Variants in STARD13 observed in about 807,000 individuals in gnomAD.
STARD13 encodes the protein StAR related lipid transfer domain containing 13.
STARD13 carries 62 observed loss-of-function variants against 106.4 expected under a neutral mutation model. That is an observed-to-expected ratio of 0.58 (90% CI 0.48 to 0.72). STARD13 has a LOEUF of 0.72. STARD13 is among the 30% of genes least tolerant of loss of function. The pLI is 0.00. For missense variants in STARD13, 1,387 were observed against 1,424.0 expected, an observed-to-expected ratio of 0.97 and a Z score of 0.42; for synonymous variants, 565 against 553.0, an observed-to-expected ratio of 1.02 and a Z score of -0.31.
chr13:33,656,123 G>T, the STARD13 span, among the ~76,000 whole-genome samples: 5 of 152,090 alleles, frequency 3.3e-5, no homozygotes, highest in Non-Finnish European at 7.4e-5. Context: ...GTATTCTAAT[G>T]ATTTTTTAAA....
At chr13:33,239,592 T>C (rs1023533436) in intron 1 of STARD13, among the ~76,000 whole-genome samples, 3 of 152,180 alleles carry the variant, frequency 2.0e-5, no homozygotes, top group Admixed American at 1.3e-4. Flanking sequence ...CCTATGAATA[T>C]GAGGTGATAT....
intron 7 of STARD13, among the ~76,000 whole-genome samples, chr13:33,124,714 G>A (rs1876890040): frequency 2.3e-5 from 2 of 86,820 alleles, no homozygotes; most frequent in Non-Finnish European, 5.9e-5. Context: ...AAACCTCTAA[G>A]ATTAAAAAAA....
the STARD13 span, among the ~76,000 whole-genome samples, chr13:33,582,844 A>C: frequency 6.6e-6 from 1 of 152,218 alleles, no homozygotes; most frequent in Non-Finnish European, 1.5e-5. Context: ...CTTTGTTAAC[A>C]TGCATCTATT....
At chr13:33,317,656 A>G (rs977778317) in intron 1 of STARD13, among the ~76,000 whole-genome samples, 1 of 152,022 alleles carries the variant, frequency 6.6e-6, no homozygotes, top group Non-Finnish European at 1.5e-5. Context: ...CTCACTTTCT[A>G]TTTTGTAAAA....
chr13:33,107,811 C>G (rs140777861), intron 12 of STARD13, among the ~76,000 whole-genome samples: 1 of 152,214 alleles, frequency 6.6e-6, no homozygotes, highest in African/African-American at 2.4e-5. Flanking sequence ...GAGAACATCT[C>G]TGTAACAACC....
chr13:33,522,913 G>A, the STARD13 span, among the ~76,000 whole-genome samples: 1 of 152,154 alleles, frequency 6.6e-6, no homozygotes, highest in Non-Finnish European at 1.5e-5. Context: ...TGCCTTGCAG[G>A]GCTGTTGTAA....
intron 1 of STARD13, among the ~76,000 whole-genome samples, chr13:33,266,389 C>T (rs146321939): frequency 6.6e-6 from 1 of 152,284 alleles, no homozygotes; most frequent in East Asian, 1.9e-4. Context: ...TTTATCTATT[C>T]ATCTTTCTAG....
the STARD13 span, among the ~76,000 whole-genome samples, chr13:33,410,712 C>T: frequency 6.6e-6 from 1 of 152,204 alleles, no homozygotes; most frequent in African/African-American, 2.4e-5. Flanking sequence ...GCGCTCCTCA[C>T]ACAGTATGGC....
In STARD13 at chr13:33,165,335, A is replaced by G; in HGVS notation, c.323+2T>C. 1 of 1,607,644 alleles carries G rather than the reference A, an allele frequency of 6.2e-7. No homozygotes were observed. Among genetic ancestry groups the G allele is most frequent in the South Asian group, 1.1e-5 (1 of 90,938 alleles). ...GAAACAAAAATACTTCACATGGTTT[A>G]CCTGCAAAGAGGTTCTACAAGGTCC... On this transcript the variant is annotated splice_donor_variant, in intron 3 of 13. Coordinates refer to ENST00000336934, the MANE Select transcript of STARD13 (RefSeq NM_178006.4). LOFTEE classifies it high-confidence loss of function.
At chr13:33,601,883 G>T in the STARD13 span, among the ~76,000 whole-genome samples, 1 of 152,268 alleles carries the variant, frequency 6.6e-6, no homozygotes, top group East Asian at 1.9e-4. Flanking sequence ...TCCTGAGGAT[G>T]CTGCGATCTC....
chr13:33,363,148 T>C, the STARD13 span, among the ~76,000 whole-genome samples: 5 of 152,354 alleles, frequency 3.3e-5, no homozygotes, highest in South Asian at 8.3e-4. Context: ...ATGGACCTTG[T>C]ATCCTTTTAG....
the STARD13 span, among the ~76,000 whole-genome samples, chr13:33,371,683 C>G: frequency 6.6e-6 from 1 of 152,190 alleles, no homozygotes. Flanking sequence ...CTTGAACTCA[C>G]CAGCTCTCAT....
At position 33,214,832 on chromosome 13, in the gene STARD13, C is replaced by T. The variant is rs1389140175; in HGVS notation, c.170-47210G>A. Among the ~76,000 whole-genome samples, 6 of 152,118 alleles carry T rather than the reference C, an allele frequency of 3.9e-5. No homozygotes were observed. The East Asian group carries it at 1.2e-3, about 29-fold the overall frequency. On this transcript the variant is annotated intron_variant, in intron 1 of 13. Transcript: ENST00000336934. ...AGAATGTGCTTCAAAACACCACAGA[C>T]ATTGTGAGTTTCAAGGGGGCCATCA...
At position 33,338,928 on chromosome 13, in the gene STARD13, G is replaced by T. The variant is rs1335289195; in HGVS notation, c.124+11362C>A. 2.0e-5 allele frequency among the ~76,000 whole-genome samples: 3 copies of T among 150,592 alleles called. No homozygotes were observed. In the East Asian group the frequency reaches 5.8e-4, roughly 29 times the overall value. On this transcript the variant is annotated intron_variant, in intron 1 of 5. Transcript: ENST00000567873. ...AAAGAAAGAAAGATACAGGAACAAA[G>T]CATATGAATCTAGAAGTGAAGGAAA...
At chr13:33,108,868 C>T (rs1198349235) in intron 12 of STARD13, among the ~76,000 whole-genome samples, 2 of 152,176 alleles carry the variant, frequency 1.3e-5, no homozygotes, top group African/African-American at 4.8e-5. Context: ...GACTAATGTC[C>T]TAATAACTTT....
chr13:33,416,990 C>T, the STARD13 span, among the ~76,000 whole-genome samples: 1 of 152,064 alleles, frequency 6.6e-6, no homozygotes, highest in Non-Finnish European at 1.5e-5. Context: ...TAAAGAATTG[C>T]TATACTTCAA....
intron 1 of STARD13, among the ~76,000 whole-genome samples, chr13:33,185,555 C>T (rs367585767): frequency 7.9e-5 from 12 of 152,126 alleles, no homozygotes; most frequent in African/African-American, 2.9e-4. Context: ...CCCTGATATT[C>T]TTCTGTGTCT....
intron 1 of STARD13, among the ~76,000 whole-genome samples, chr13:33,196,586 G>T (rs1362241980): frequency 6.6e-6 from 1 of 152,092 alleles, no homozygotes; most frequent in African/African-American, 2.4e-5. Context: ...TTTCAGTACT[G>T]CCCTACATCA....
chr13:33,478,012 C>T, the STARD13 span, among the ~76,000 whole-genome samples: 3 of 151,636 alleles, frequency 2.0e-5, no homozygotes, highest in Admixed American at 6.6e-5. Flanking sequence ...GCTTCCTTAC[C>T]TCTCTCCAAT....
Sources: gnomAD v4.1 joint callset for allele counts (sites outside exome capture counted in the v4.1 genomes callset) on GRCh38, gnomAD v4.1.1 for gene constraint, MANE v1.5 for transcripts, NCBI Gene and HGNC (gene_info 2026-07-23, HGNC 2026-07-21) for gene names.